Variants in ATP6V1G2 observed in about 807,000 individuals in gnomAD.
The protein encoded by ATP6V1G2 is V-type proton ATPase subunit G 2.
A neutral mutation model predicts 17.8 loss-of-function variants in ATP6V1G2; 14 were observed. The ratio of observed to expected loss-of-function variants is 0.79; its 90% CI spans 0.52 to 1.23. ATP6V1G2 has a LOEUF of 1.23. ATP6V1G2 is among the 50% of genes most tolerant of loss of function. ATP6V1G2 has a pLI of 0.00. For synonymous variants in ATP6V1G2, 57 were observed against 54.8 expected (o/e 1.04, Z -0.17); for missense variants, 112 against 152.2 (o/e 0.74, Z 1.39).
In ATP6V1G2 at chr6:31,546,479, C is replaced by T. The variant is rs1314685302; in HGVS notation, c.81G>A (p.Lys27=). The T allele has an allele frequency of 2.5e-6, 4 of 1,613,748 alleles. No individual in the cohort carries two copies. Among genetic ancestry groups the T allele is most frequent in the African/African-American group, 2.7e-5 (2 of 74,902 alleles). ...TAAGGGAGGAAAGAGGAGACTCACTCTTTCTGGCATCTGCCACCTTCTCAG... is the reference window on the plus strand; with the variant it reads ...TAAGGGAGGAAAGAGGAGACTCACTTTTTCTGGCATCTGCCACCTTCTCAG... ...RAAEKVADAR[K]RKARRLKQAK... is the part of the protein sequence containing the mutation. Residue 27 remains lysine (K), a splice_region_variant and synonymous_variant, in exon 1 of 3, where the codon AAG becomes AAA. Coordinates refer to ENST00000303892, the MANE Select transcript of ATP6V1G2 (RefSeq NM_130463.4). This position sits in a 1 kb window ranked among gnomAD's most constrained non-coding sequence, Gnocchi z 4.1.
Position 31,545,362 on chromosome 6 carries a change from C to A in ATP6V1G2, c.*46G>T. ...GGAGGTGATTTTGATTGGAGGATTT[C>A]TTTGAGGGAGGGAACTGGCAGAAGG... is the stretch of plus-strand genomic sequence containing the variant. On this transcript the variant is annotated 3_prime_UTR_variant, in exon 3 of 3. Coordinates refer to ENST00000303892, the MANE Select transcript of ATP6V1G2 (RefSeq NM_130463.4). This position sits in a 1 kb window ranked among gnomAD's most constrained non-coding sequence, Gnocchi z 4.9. The A allele has an allele frequency of 6.3e-7, 1 of 1,585,642 alleles. No individual in the cohort carries two copies. The highest frequency in any genetic ancestry group is 8.6e-7 in the Non-Finnish European group (1 of 1,162,218).
rs1768854895 is a variant in ATP6V1G2 at position 31,545,039 on chromosome 6, T to G, written c.*369A>C. 1 of 407,074 alleles carries G rather than the reference T, an allele frequency of 2.5e-6. No homozygotes were observed. The highest frequency in any genetic ancestry group is 2.5e-5 in the South Asian group (1 of 39,662). The allele number at this position is 407,074 out of a possible 1,614,324, so 25.2% of individuals were successfully genotyped here. A position where few individuals can be genotyped will look rare whatever the true frequency, so the allele number is the denominator to read the frequency against. ...GTTTCACAGAGGAGGACATCGAGGC[T>G]ACCAAGTTAAGTAGCTTGTCCTGGT... On this transcript the variant is annotated 3_prime_UTR_variant, in exon 3 of 3. Coordinates refer to ENST00000303892, the MANE Select transcript of ATP6V1G2 (RefSeq NM_130463.4). This position sits in a 1 kb window ranked among gnomAD's most constrained non-coding sequence, Gnocchi z 4.9.
In ATP6V1G2 at chr6:31,546,240, G is replaced by T; in HGVS notation, c.83-31C>A. 1 of 1,572,920 alleles carries T rather than the reference G, an allele frequency of 6.4e-7. No individual in the cohort carries two copies. The highest frequency in any genetic ancestry group is 8.7e-7 in the Non-Finnish European group (1 of 1,143,568). ...GGCAGAAGAAAGGACAGTGAGTGGG[G>T]ATGGACCCACACACACACAATGTAA... On this transcript the variant is annotated intron_variant, in intron 1 of 2. Coordinates refer to ENST00000303892, the MANE Select transcript of ATP6V1G2 (RefSeq NM_130463.4). The surrounding 1 kb of genome is among the most constrained non-coding windows in gnomAD (Gnocchi z 4.1).
Position 31,545,729 on chromosome 6 carries a change from C to G in ATP6V1G2, c.184-148G>C, listed in dbSNP as rs1356102348. On this transcript the variant is annotated intron_variant, in intron 2 of 2. Coordinates refer to ENST00000303892, the MANE Select transcript of ATP6V1G2 (RefSeq NM_130463.4). This position sits in a 1 kb window ranked among gnomAD's most constrained non-coding sequence, Gnocchi z 4.9. ...CCCATCCCACAGAAATATCCCAACA[C>G]CAAAGAGATCAACACAGTCCCCTTT... 1.2e-6 allele frequency: 1 copy of G among 849,098 alleles called. No homozygotes were observed. Among genetic ancestry groups the G allele is most frequent in the East Asian group, 2.7e-5 (1 of 37,608 alleles). 52.6% of individuals were successfully genotyped at this position (849,098 alleles called of 1,614,324 possible). A position where few individuals can be genotyped will look rare whatever the true frequency, so the allele number is the denominator to read the frequency against.
chr6:31,546,096 T>C lies in ATP6V1G2; in HGVS notation c.183+13A>G. ...TTGCAGTGGGGTCTCAACCCGACTC[T>C]GCCTCAACTCACCGCCTGCTGCTTG... is the stretch of plus-strand genomic sequence containing the variant. On this transcript the variant is annotated intron_variant, in intron 2 of 2. Transcript: ENST00000303892. The surrounding 1 kb of genome is among the most constrained non-coding windows in gnomAD (Gnocchi z 4.1). 1.2e-6 allele frequency: 2 copies of C among 1,613,906 alleles called. No individual in the cohort carries two copies. The highest frequency in any genetic ancestry group is 2.2e-5 in the East Asian group (1 of 44,864).
Position 31,545,584 on chromosome 6 carries a change from G to T in ATP6V1G2, c.184-3C>A. The T allele has an allele frequency of 6.2e-7, 1 of 1,613,116 alleles. No individual in the cohort carries two copies. Among genetic ancestry groups the T allele is most frequent in the South Asian group, 1.1e-5 (1 of 90,988 alleles). On this transcript the variant is annotated splice_polypyrimidine_tract_variant and splice_region_variant and intron_variant, in intron 2 of 2. Coordinates refer to ENST00000303892, the MANE Select transcript of ATP6V1G2 (RefSeq NM_130463.4). The surrounding 1 kb of genome is among the most constrained non-coding windows in gnomAD (Gnocchi z 4.9). ...AGGTTCCCCTGGGAGCCCATGGCCT[G>T]GGGGGTAGGGAGAGGGGTGGAAGAG...
At chr6:31,546,638 T>A (rs1769023061), upstream of ATP6V1G2, 1 of 1,339,630 alleles carries the variant, frequency 7.5e-7, no homozygotes, top group Non-Finnish European at 1.1e-6. This position sits in a 1 kb window ranked among gnomAD's most constrained non-coding sequence, Gnocchi z 4.1. Flanking sequence ...TTACTTCTCC[T>A]CCTCCAGCTC....
chr6:31,546,141 G>C lies in ATP6V1G2; in HGVS notation c.151C>G (p.Arg51Gly). The part of the protein sequence containing the change: ...QMEVEQYRRE[R>G]EHEFQSKQQA... ...TGCTTGCTCTGGAATTCGTGCTCTC[G>C]CTCTCTGCGGTATTGCTCCACCTCC... Residue 51 changes from arginine (R) to glycine (G), a missense_variant, in exon 2 of 3, where the codon CGA (arginine) becomes GGA (glycine). By Grantham distance (125) the Arg-to-Gly change is moderately radical. Transcript: ENST00000303892. The surrounding 1 kb of genome is among the most constrained non-coding windows in gnomAD (Gnocchi z 4.1). The C allele has an allele frequency of 1.2e-6, 2 of 1,613,858 alleles. No homozygotes were observed. The highest frequency in any genetic ancestry group is 1.7e-6 in the Non-Finnish European group (2 of 1,179,974).
chr6:31,544,903 T>C lies in ATP6V1G2; in HGVS notation c.*505A>G. ...AGGTGGTGGTAATAGTATCACAGGG[T>C]TGCTACTTACTGAATCACTGCTACA... On this transcript the variant is annotated 3_prime_UTR_variant, in exon 3 of 3. Transcript: ENST00000303892. The C allele has an allele frequency of 2.6e-6, 1 of 391,760 alleles. No homozygotes were observed. Among genetic ancestry groups the C allele is most frequent in the Non-Finnish European group, 5.1e-6 (1 of 197,882 alleles). 24.3% of individuals were successfully genotyped at this position (391,760 alleles called of 1,614,324 possible).
chr6:31,546,190 C>T lies in ATP6V1G2; in HGVS notation c.102G>A (p.Lys34=). 6.2e-7 allele frequency: 1 copy of T among 1,614,096 alleles called. No individual in the cohort carries two copies. The highest frequency in any genetic ancestry group is 8.5e-7 in the Non-Finnish European group (1 of 1,180,016). ...DARKRKARRL[K]QAKEEAQMEV... is the part of the protein sequence containing the mutation. ...CCATCTGTGCCTCCTCCTTTGCCTG[C>T]TTCAGTCGCCGGGCCTTCCCTGGAG... The change falls in exon 2 of 3, where the codon AAG becomes AAA. Residue 34 remains lysine (K), a synonymous_variant. Coordinates refer to ENST00000303892, the MANE Select transcript of ATP6V1G2 (RefSeq NM_130463.4). The surrounding 1 kb of genome is among the most constrained non-coding windows in gnomAD (Gnocchi z 4.1).
In ATP6V1G2 at chr6:31,546,299, AGCCTTCTCT is replaced by A; in HGVS notation, c.83-99_83-91del. ...GTCAGTCCCTTCCAGAAAGTTATAC[AGCCTTCTCT>A]CAGCCAACCAGGTGCCAGATTCTAA... On this transcript the variant is annotated intron_variant, in intron 1 of 2. Coordinates refer to ENST00000303892, the MANE Select transcript of ATP6V1G2 (RefSeq NM_130463.4). This position sits in a 1 kb window ranked among gnomAD's most constrained non-coding sequence, Gnocchi z 4.1. The A allele has an allele frequency of 7.2e-7, 1 of 1,386,390 alleles. No individual in the cohort carries two copies. Among genetic ancestry groups the A allele is most frequent in the Non-Finnish European group, 1.0e-6 (1 of 981,854 alleles). The allele number at this position is 1,386,390 out of a possible 1,614,324, so 85.9% of individuals were successfully genotyped here. A position where few individuals can be genotyped will look rare whatever the true frequency, so the allele number is the denominator to read the frequency against.
At position 31,544,969 on chromosome 6, in the gene ATP6V1G2, A is replaced by C; in HGVS notation, c.*439T>G. 1 of 346,812 alleles carries C rather than the reference A, an allele frequency of 2.9e-6. No individual in the cohort carries two copies. The highest frequency in any genetic ancestry group is 5.7e-6 in the Non-Finnish European group (1 of 176,620). The allele number at this position is 346,812 out of a possible 1,614,324, so 21.5% of individuals were successfully genotyped here. On this transcript the variant is annotated 3_prime_UTR_variant, in exon 3 of 3. Transcript: ENST00000303892. ...TGCTAGACTTTACAGAATGATTCCT[A>C]ATCATTGAAGCAACCCTCACAAGGT...
rs1448791543 is a variant in ATP6V1G2 at position 31,545,454 on chromosome 6, C to T, written c.311G>A (p.Cys104Tyr). 6.2e-7 allele frequency: 1 copy of T among 1,614,052 alleles called. No homozygotes were observed. Among genetic ancestry groups the T allele is most frequent in the Non-Finnish European group, 8.5e-7 (1 of 1,179,990 alleles). ...RVLAQLLGMV[C>Y]DVRPQVHPNY... ...GGGGTGGACCTGGGGCCTGACGTCG[C>T]AGACCATGCCAAGAAGCTGGGCCAG... The change falls in exon 3 of 3, where the codon TGC becomes TAC. Residue 104 changes from cysteine (C) to tyrosine (Y), a missense_variant. Physicochemically the swap from Cys to Tyr is radical, Grantham distance 194. Transcript: ENST00000303892. This position sits in a 1 kb window ranked among gnomAD's most constrained non-coding sequence, Gnocchi z 4.9.
In ATP6V1G2 at chr6:31,544,713, A is replaced by AGG. The variant is rs1768822658; in HGVS notation, c.*693_*694dup. Reference sequence around the variant, plus strand: ...AGTTATCTACCTGGAATTATAAGAGAGGGGCTAAATGTAGTCATCTCCTCT... The same window carrying AGG: ...AGTTATCTACCTGGAATTATAAGAGAGGGGGGCTAAATGTAGTCATCTCCTCT... On this transcript the variant is annotated 3_prime_UTR_variant, in exon 3 of 3. Coordinates refer to ENST00000303892, the MANE Select transcript of ATP6V1G2 (RefSeq NM_130463.4). The AGG allele has an allele frequency of 2.2e-6, 1 of 456,640 alleles. No homozygotes were observed. The highest frequency in any genetic ancestry group is 2.0e-5 in the African/African-American group (1 of 50,096). The allele number at this position is 456,640 out of a possible 1,614,324, so 28.3% of individuals were successfully genotyped here. A position where few individuals can be genotyped will look rare whatever the true frequency, so the allele number is the denominator to read the frequency against.
rs2150354091 is a variant in ATP6V1G2, at chr6:31,545,014, G to C, written c.*394C>G. ...CAAGGTAGGCATTATTATCATCCCA[G>C]TTTCACAGAGGAGGACATCGAGGCT... On this transcript the variant is annotated 3_prime_UTR_variant, in exon 3 of 3. Transcript: ENST00000303892. This position sits in a 1 kb window ranked among gnomAD's most constrained non-coding sequence, Gnocchi z 4.9. 1 of 367,344 alleles carries C rather than the reference G, an allele frequency of 2.7e-6. No individual in the cohort carries two copies. The highest frequency in any genetic ancestry group is 8.1e-4 in the Middle Eastern group (1 of 1,242). The allele number at this position is 367,344 out of a possible 1,614,324, so 22.8% of individuals were successfully genotyped here.
Position 31,545,272 on chromosome 6 carries a change from G to A in ATP6V1G2, c.*136C>T, listed in dbSNP as rs964491112. ...GAGCAGGATATTTATAAGTGTCACA[G>A]GAAAATTATTGGATCCTGCCTCCCA... On this transcript the variant is annotated 3_prime_UTR_variant, in exon 3 of 3. Transcript: ENST00000303892. The surrounding 1 kb of genome is among the most constrained non-coding windows in gnomAD (Gnocchi z 4.9). 2.8e-6 allele frequency: 3 copies of A among 1,072,584 alleles called. No individual in the cohort carries two copies. The highest frequency in any genetic ancestry group is 4.0e-6 in the Non-Finnish European group (3 of 752,688). The allele number at this position is 1,072,584 out of a possible 1,614,324, so 66.4% of individuals were successfully genotyped here.
rs534590666 is a variant in ATP6V1G2 at position 31,546,386 on chromosome 6, T to A, written c.82+92A>T. On this transcript the variant is annotated intron_variant, in intron 1 of 2. Transcript: ENST00000303892. This position sits in a 1 kb window ranked among gnomAD's most constrained non-coding sequence, Gnocchi z 4.1. ...AGCCTCCAGACCCTAGCTGTCTGTC[T>A]TCCCGCCAGCCTTGGGTTTTCCCAA... is the stretch of plus-strand genomic sequence containing the variant. 44 of 1,180,548 alleles carry A rather than the reference T, an allele frequency of 3.7e-5. No individual in the cohort carries two copies. The African/African-American group carries it at 5.3e-4, about 14-fold the overall frequency. The allele number at this position is 1,180,548 out of a possible 1,614,324, so 73.1% of individuals were successfully genotyped here.
upstream of ATP6V1G2, chr6:31,546,682 G>T: frequency 1.2e-6 from 1 of 813,560 alleles, no homozygotes; most frequent in Non-Finnish European, 2.0e-6. The surrounding 1 kb of genome is among the most constrained non-coding windows in gnomAD (Gnocchi z 4.1). Flanking sequence ...CTGGGTCTTA[G>T]TGCTCCCCTG....
Position 31,544,491 on chromosome 6 carries a change from C to G in ATP6V1G2, c.*917G>C. The G allele has an allele frequency of 4.3e-6, 1 of 232,838 alleles. No homozygotes were observed. Among genetic ancestry groups the G allele is most frequent in the Admixed American group, 5.0e-5 (1 of 20,140 alleles). The allele number at this position is 232,838 out of a possible 1,614,324, so 14.4% of individuals were successfully genotyped here. On this transcript the variant is annotated 3_prime_UTR_variant, in exon 3 of 3. Transcript: ENST00000303892. ...TTTGCCAATAATTATTTTATTGATA[C>G]TTTTTTTATTGTTACAATGGGAAAG...
Sources: allele counts gnomAD v4.1 joint callset, GRCh38; gene constraint gnomAD v4.1.1; non-coding constraint Gnocchi (gnomAD v3.1); transcripts MANE v1.5; gene names NCBI Gene and HGNC (gene_info 2026-07-23, HGNC 2026-07-21).